Variants in CELF2 observed in about 807,000 individuals in gnomAD.
CELF2 encodes CUGBP Elav-like family member 2, also known as CUG triplet repeat RNA-binding protein 2.
CELF2 carries 8 observed loss-of-function variants against 62.6 expected under a neutral mutation model. That is an observed-to-expected ratio of 0.13 (90% CI 0.07 to 0.23). CELF2 has a LOEUF of 0.23. Among genes scored for constraint, CELF2 ranks in the 10% least tolerant of loss-of-function variants. The pLI is 1.00. For missense variants in CELF2, 333 were observed against 671.0 expected, an observed-to-expected ratio of 0.50 and a Z score of 5.56; for synonymous variants, 258 against 250.0, an observed-to-expected ratio of 1.03 and a Z score of -0.30.
At chr10:10,904,358 C>T (rs2063169525) in intron 1 of CELF2, among the ~76,000 whole-genome samples, 1 of 151,936 alleles carries the variant, frequency 6.6e-6, no homozygotes, top group Non-Finnish European at 1.5e-5. Context: ...TCCCAAGTAG[C>T]TGGGACTACC....
chr10:10,819,424 G>A (rs1036865396), intron 1 of CELF2, among the ~76,000 whole-genome samples: 9 of 152,228 alleles, frequency 5.9e-5, no homozygotes, highest in East Asian at 1.9e-4. Context: ...TGAGTTTAGC[G>A]TGAAACTGTT....
At chr10:11,313,906 C>T (rs761162496) in intron 9 of CELF2, among the ~76,000 whole-genome samples, 1 of 152,168 alleles carries the variant, frequency 6.6e-6, no homozygotes, top group Non-Finnish European at 1.5e-5. Context: ...CAGATTTCCC[C>T]ACCATCCAGC....
chr10:11,292,640 A>G (rs922477856), intron 9 of CELF2, among the ~76,000 whole-genome samples: 1 of 152,214 alleles, frequency 6.6e-6, no homozygotes, highest in African/African-American at 2.4e-5. Context: ...CAGATGGGAA[A>G]GAGTGGGGCA....
At chr10:10,576,507 C>G in the CELF2 span, among the ~76,000 whole-genome samples, 1 of 152,102 alleles carries the variant, frequency 6.6e-6, no homozygotes, top group South Asian at 2.1e-4. Flanking sequence ...AAAGAAGAGT[C>G]TACTTTAATT....
chr10:10,608,084 C>T, the CELF2 span, among the ~76,000 whole-genome samples: 5 of 152,084 alleles, frequency 3.3e-5, no homozygotes, highest in East Asian at 5.8e-4. Context: ...GCTGAAATAG[C>T]GCCATTGTAC....
In CELF2 at chr10:11,247,649, C is replaced by G. The variant is rs2137220643; in HGVS notation, c.355-1504C>G. On this transcript the variant is annotated intron_variant, in intron 3 of 12. Coordinates refer to ENST00000633077, the MANE Select transcript of CELF2 (RefSeq NM_001326342.2). This position sits in a 1 kb window ranked among gnomAD's most constrained non-coding sequence, Gnocchi z 5.4. ...CACACTGAGCACCTGAAGGGAGGAC[C>G]TTCTTCACTGGCCTTTGTTCCCAGT... Among the ~76,000 whole-genome samples, 1 of 152,126 alleles carries G rather than the reference C, an allele frequency of 6.6e-6. No homozygotes were observed. Among genetic ancestry groups the G allele is most frequent in the South Asian group, 2.1e-4 (1 of 4,800 alleles).
At chr10:11,019,823 A>G (rs914564941) in intron 1 of CELF2, among the ~76,000 whole-genome samples, 1 of 152,216 alleles carries the variant, frequency 6.6e-6, no homozygotes, top group Non-Finnish European at 1.5e-5. Flanking sequence ...ACCTGTATAG[A>G]CACGTAATAC....
At position 10,997,656 on chromosome 10, in the gene CELF2, T is replaced by C. The variant is rs959941114; in HGVS notation, c.89+77657T>C. ...GAGTTGCTTGTGCCTTTGCTTCCTCTAAAAATAGCAAGAATAAATTCGGTC... is the reference window on the plus strand; with the variant it reads ...GAGTTGCTTGTGCCTTTGCTTCCTCCAAAAATAGCAAGAATAAATTCGGTC... On this transcript the variant is annotated intron_variant, in intron 2 of 13. Transcript: ENST00000636488. This position sits in a 1 kb window ranked among gnomAD's most constrained non-coding sequence, Gnocchi z 5.3. 6.6e-6 allele frequency among the ~76,000 whole-genome samples: 1 copy of C among 152,170 alleles called. No individual in the cohort carries two copies. Among genetic ancestry groups the C allele is most frequent in the East Asian group, 1.9e-4 (1 of 5,198 alleles).
intron 1 of CELF2, chr10:11,097,309 C>G (rs1453569868): frequency 1.3e-5 from 2 of 152,144 alleles, no homozygotes; most frequent in African/African-American, 4.8e-5. Flanking sequence ...ATATGTCTTT[C>G]CTTTGCGTAG....
intron 3 of CELF2, among the ~76,000 whole-genome samples, chr10:11,228,276 G>A (rs547507957): frequency 6.6e-6 from 1 of 152,284 alleles, no homozygotes; most frequent in South Asian, 2.1e-4. Context: ...CAGCTATTGA[G>A]TGTTTACTAT....
intron 9 of CELF2, among the ~76,000 whole-genome samples, chr10:11,294,501 T>A (rs2092919045): frequency 1.3e-5 from 2 of 152,242 alleles, no homozygotes; most frequent in Non-Finnish European, 2.9e-5. Flanking sequence ...CATTGTTTAT[T>A]CTTAAGAGAA....
intron 1 of CELF2, among the ~76,000 whole-genome samples, chr10:10,872,865 A>G (rs555130694): frequency 6.6e-6 from 1 of 152,018 alleles, no homozygotes; most frequent in South Asian, 2.1e-4. Context: ...CCATATGCAG[A>G]GTTTGGGGAA....
intron 1 of CELF2, among the ~76,000 whole-genome samples, chr10:10,864,261 A>G (rs1014783171): frequency 7.9e-5 from 12 of 151,056 alleles, no homozygotes; most frequent in Non-Finnish European, 1.5e-5. Context: ...TCATTTCTTC[A>G]CCTATTAAAT....
chr10:10,696,255 C>A, the CELF2 span, among the ~76,000 whole-genome samples: 1 of 151,828 alleles, frequency 6.6e-6, no homozygotes, highest in African/African-American at 2.4e-5. Context: ...TGTTGGAGTA[C>A]CCTGCCGTGT....
rs3740193 is a variant in CELF2, at chr10:11,252,918, T to C, written c.403+3717T>C. Reference sequence around the variant, plus strand: ...ACAAATGGCGGGACAGGCAGGGCTTTTGAGGAGGTGTGGATTTCATCCTCC... The same window carrying C: ...ACAAATGGCGGGACAGGCAGGGCTTCTGAGGAGGTGTGGATTTCATCCTCC... On this transcript the variant is annotated intron_variant, in intron 4 of 12. Transcript: ENST00000633077. Among the ~76,000 whole-genome samples, 140 of 152,308 alleles carry C rather than the reference T, an allele frequency of 9.2e-4. No individual in the cohort carries two copies. In the East Asian group the frequency reaches 0.025, roughly 27 times the overall value.
At chr10:11,252,286 A>T (rs1234894177) in intron 4 of CELF2, among the ~76,000 whole-genome samples, 1 of 152,260 alleles carries the variant, frequency 6.6e-6, no homozygotes, top group Non-Finnish European at 1.5e-5. Context: ...TCTTTGGCTC[A>T]GTTGCTCTAA....
rs1362826115 is a variant in CELF2 at position 10,938,341 on chromosome 10, A to G, written c.89+18342A>G. Among the ~76,000 whole-genome samples, 1 of 152,240 alleles carries G rather than the reference A, an allele frequency of 6.6e-6. No homozygotes were observed. The highest frequency in any genetic ancestry group is 2.4e-5 in the African/African-American group (1 of 41,460). ...GAGCAGCCAGTCCAAAGACCCAAATACCAAAGGATTATCTTTAAATTTAGA... is the reference window on the plus strand; with the variant it reads ...GAGCAGCCAGTCCAAAGACCCAAATGCCAAAGGATTATCTTTAAATTTAGA... On this transcript the variant is annotated intron_variant, in intron 2 of 13. Transcript: ENST00000636488. The surrounding 1 kb of genome is among the most constrained non-coding windows in gnomAD (Gnocchi z 4.2).
At chr10:10,465,179 G>A in the CELF2 span, among the ~76,000 whole-genome samples, 8 of 152,030 alleles carry the variant, frequency 5.3e-5, no homozygotes, top group Non-Finnish European at 1.0e-4. Flanking sequence ...CTGAAAATAC[G>A]ACATTTGACA....
intron 1 of CELF2, among the ~76,000 whole-genome samples, chr10:11,059,182 C>G (rs890097786): frequency 2.6e-5 from 4 of 152,158 alleles, no homozygotes; most frequent in African/African-American, 9.7e-5. Context: ...CGCAGGCTCT[C>G]TGACTCATTT....
Sources: allele counts gnomAD v4.1 joint callset (sites outside exome capture counted in the v4.1 genomes callset), GRCh38; gene constraint gnomAD v4.1.1; non-coding constraint Gnocchi (gnomAD v3.1); transcripts MANE v1.5; gene names NCBI Gene and HGNC (gene_info 2026-07-23, HGNC 2026-07-21).